The following ZNF718 variants were observed in gnomAD, a reference collection of about 807,000 sequenced individuals.
ZNF718 encodes the protein zinc finger protein 718.
In ZNF718, 3 loss-of-function variants were observed where a neutral mutation model predicts 2.6. The observed-to-expected ratio is 1.16, with a 90% CI of 0.53 to 3.01. The LOEUF is 3.01. ZNF718 is among the 30% of genes most tolerant of loss of function. The pLI is 0.03. For missense variants in ZNF718, 468 were observed against 230.0 expected (o/e 2.03, Z -6.69); for synonymous variants, 135 against 77.9 (o/e 1.73, Z -3.86).
At chr4:132,708 C>A in intron 3 of ZNF718, among the ~76,000 whole-genome samples, 1 of 103,460 alleles carries the variant, frequency 9.7e-6, no homozygotes, top group Non-Finnish European at 2.2e-5. Flanking sequence ...AAGTGTTTTC[C>A]TAAATATGAA....
Position 162,149 on chromosome 4 carries a change from A to G in ZNF718, c.*27A>G, listed in dbSNP as rs782510624. 2.4e-5 allele frequency: 16 copies of G among 667,900 alleles called. No homozygotes were observed. Among genetic ancestry groups the G allele is most frequent in the Non-Finnish European group, 4.1e-5 (15 of 366,094 alleles). The allele number at this position is 667,900 out of a possible 1,614,324, so 41.4% of individuals were successfully genotyped here. A position where few individuals can be genotyped will look rare whatever the true frequency, so the allele number is the denominator to read the frequency against. ...AATGTGAAGAATGTGGGAGCCTTTA[A>G]GTCTTCCTCAGTCTTTTCTAATCAT... is the stretch of plus-strand genomic sequence containing the variant. On this transcript the variant is annotated 3_prime_UTR_variant, in exon 4 of 4. Transcript: ENST00000510175.
rs1716972446 is a variant in ZNF718, at chr4:163,110, T to C, written c.*988T>C. 6.6e-6 allele frequency: 1 copy of C among 152,224 alleles called. No individual in the cohort carries two copies. The highest frequency in any genetic ancestry group is 1.5e-5 in the Non-Finnish European group (1 of 68,042). 9.4% of individuals were successfully genotyped at this position (152,224 alleles called of 1,614,324 possible). ...AATTACTTCATACTGATTCAACTTATTGTTTATATGAAAGCATGTGATGAA... is the reference window on the plus strand; with the variant it reads ...AATTACTTCATACTGATTCAACTTACTGTTTATATGAAAGCATGTGATGAA... On this transcript the variant is annotated 3_prime_UTR_variant, in exon 4 of 4. Transcript: ENST00000510175.
chr4:126,524 T>TG (rs1715228601), intron 1 of ZNF718, among the ~76,000 whole-genome samples: 1 of 152,246 alleles, frequency 6.6e-6, no homozygotes, highest in Non-Finnish European at 1.5e-5. Flanking sequence ...CTTCAGCAGG[T>TG]ACCTGGCTCC....
At chr4:173,656 C>G (rs1717289156) in intron 3 of ZNF718, among the ~76,000 whole-genome samples, 1 of 152,140 alleles carries the variant, frequency 6.6e-6, no homozygotes, top group Non-Finnish European at 1.5e-5. Flanking sequence ...GGTTTTTACC[C>G]TATCCCAGGC....
chr4:188,496 CCACAG>C (rs1717615868), intron 3 of ZNF718, among the ~76,000 whole-genome samples: 2 of 152,160 alleles, frequency 1.3e-5, no homozygotes, highest in African/African-American at 2.4e-5. Context: ...GAAGTGGGGC[CCACAG>C]ACTGTTGCTG....
In ZNF718 at chr4:133,198, ATATATATATAT is replaced by A. The variant is rs1715403203; in HGVS notation, c.226+1694_226+1704del. Among the ~76,000 whole-genome samples, 12 of 19,278 alleles carry A rather than the reference ATATATATATAT, an allele frequency of 6.2e-4. 2 individuals are homozygous for A. Among genetic ancestry groups the A allele is most frequent in the African/African-American group, 2.9e-3 (11 of 3,832 alleles). The allele number at this position is 19,278 out of a possible 152,430, so 12.6% of individuals were successfully genotyped here. On this transcript the variant is annotated intron_variant, in intron 3 of 3. Coordinates refer to ENST00000510175, the MANE Select transcript of ZNF718 (RefSeq NM_001039127.6). ...ATCTTAAAAAAAAAAAAAAAAAAAT[ATATATATATAT>A]ATATATATATATATATATATGGTAA...
chr4:153,787 A>C (rs1716442950), intron 3 of ZNF718, among the ~76,000 whole-genome samples: 1 of 152,238 alleles, frequency 6.6e-6, no homozygotes, highest in Non-Finnish European at 1.5e-5. Context: ...AAATCTGTAT[A>C]CTGAACAGAA....
intron 3 of ZNF718, among the ~76,000 whole-genome samples, chr4:182,130 G>A (rs1252761333): frequency 2.0e-5 from 3 of 152,124 alleles, no homozygotes; most frequent in Non-Finnish European, 2.9e-5. Flanking sequence ...GAACATACAC[G>A]TGTATGTGCC....
rs1184419957 is a variant in ZNF718 at position 131,024 on chromosome 4, C to T, written c.130+110C>T. 4.9e-5 allele frequency: 11 copies of T among 224,938 alleles called. 2 individuals carry two copies. Among genetic ancestry groups the T allele is most frequent in the Non-Finnish European group, 7.3e-5 (9 of 124,008 alleles). The allele number at this position is 224,938 out of a possible 1,614,324, so 13.9% of individuals were successfully genotyped here. On this transcript the variant is annotated intron_variant, in intron 2 of 3. Transcript: ENST00000510175. Reference sequence around the variant, plus strand: ...GCTTTGCATGAATTAATTTCAGTTCCTTCACGAAAAAGTTGGGAGTTTGGT... The same window carrying T: ...GCTTTGCATGAATTAATTTCAGTTCTTTCACGAAAAAGTTGGGAGTTTGGT...
At chr4:199,981 T>C (rs1011038210) in intron 3 of ZNF718, among the ~76,000 whole-genome samples, 36 of 152,230 alleles carry the variant, frequency 2.4e-4, no homozygotes, top group African/African-American at 8.7e-4. Flanking sequence ...AGATCAAAAT[T>C]AGTGAGAAAA....
intron 1 of ZNF718, among the ~76,000 whole-genome samples, chr4:125,746 C>T (rs1483067401): frequency 1.3e-5 from 2 of 152,212 alleles, no homozygotes; most frequent in Non-Finnish European, 2.9e-5. Flanking sequence ...CCAGCCCCCA[C>T]CCAATGCTAA....
chr4:157,232 C>T (rs1191349270), intron 3 of ZNF718, among the ~76,000 whole-genome samples: 2 of 151,592 alleles, frequency 1.3e-5, no homozygotes, highest in East Asian at 3.9e-4. Flanking sequence ...CCTGCTTCAG[C>T]CTCCTCAGTA....
intron 3 of ZNF718, among the ~76,000 whole-genome samples, chr4:190,213 G>A (rs1045648432): frequency 5.9e-5 from 9 of 151,906 alleles, no homozygotes; most frequent in Admixed American, 1.3e-4. Flanking sequence ...GGCAGATCAC[G>A]AGGTCAGGAG....
At chr4:124,837 C>T (rs188118109) in intron 1 of ZNF718, 164 bp downstream of exon 1, 7 of 899,316 alleles carry the variant, frequency 7.8e-6, no homozygotes, top group African/African-American at 1.7e-5. Context: ...CGTACAGCGG[C>T]TCTGGCCCAG....
At chr4:192,830 A>G (rs1406272183) in intron 3 of ZNF718, among the ~76,000 whole-genome samples, 1 of 152,216 alleles carries the variant, frequency 6.6e-6, no homozygotes, top group African/African-American at 2.4e-5. Flanking sequence ...GGTTAAAGAT[A>G]CAGAGATTGA....
intron 3 of ZNF718, chr4:142,026 A>G (rs1312408634): frequency 1.9e-6 from 1 of 520,064 alleles, no homozygotes; most frequent in East Asian, 5.4e-5. Flanking sequence ...TTCTGAGAAC[A>G]TAGGAGAAAA....
In ZNF718 at chr4:132,301, A is replaced by G. The variant is rs1415732022; in HGVS notation, c.226+796A>G. ...CTGAAAAGGCTGCATTTTTTCTCTT[A>G]GGGTCATCTTCTCTCCCATGCTCTT... On this transcript the variant is annotated intron_variant, in intron 3 of 3. Coordinates refer to ENST00000510175, the MANE Select transcript of ZNF718 (RefSeq NM_001039127.6). 1.9e-5 allele frequency among the ~76,000 whole-genome samples: 2 copies of G among 103,720 alleles called. 1 individual carries two copies. Among genetic ancestry groups the G allele is most frequent in the Admixed American group, 2.1e-4 (2 of 9,694 alleles). The allele number at this position is 103,720 out of a possible 152,430, so 68.0% of individuals were successfully genotyped here.
downstream of ZNF718, among the ~76,000 whole-genome samples, chr4:165,403 C>G (rs2108807583): frequency 6.6e-6 from 1 of 152,142 alleles, no homozygotes; most frequent in Non-Finnish European, 1.5e-5. Flanking sequence ...GAAACATAAG[C>G]TAGAATAGGT....
chr4:138,750 A>G (rs1715683152), intron 3 of ZNF718, among the ~76,000 whole-genome samples: 1 of 151,868 alleles, frequency 6.6e-6, no homozygotes, highest in South Asian at 2.1e-4. Context: ...CCACCAAGAG[A>G]GTACTAGAGT....
Sources: gnomAD v4.1 joint callset for allele counts (sites outside exome capture counted in the v4.1 genomes callset) on GRCh38, gnomAD v4.1.1 for gene constraint, MANE v1.5 for transcripts, NCBI Gene and HGNC (gene_info 2026-07-23, HGNC 2026-07-21) for gene names.